NCOA2: variants seen among roughly 807,000 people sequenced by gnomAD.
NCOA2 encodes class E basic helix-loop-helix protein 75.
In NCOA2, 21 loss-of-function variants were observed where a neutral mutation model predicts 145.1. That is an observed-to-expected ratio of 0.14 (90% confidence interval 0.10 to 0.21). The LOEUF (loss-of-function observed/expected upper bound fraction) is 0.21. Among genes scored for constraint, NCOA2 ranks in the 10% least tolerant of loss-of-function variants. The pLI is 1.00. For missense variants in NCOA2, 1,472 were observed against 1,837.6 expected (o/e 0.80, Z 3.64); for synonymous variants, 619 against 637.5 (o/e 0.97, Z 0.44).
chr8:70,170,031 T>C (rs1232755020), intron 6 of NCOA2, among the ~76,000 whole-genome samples, 171 bp downstream of exon 6: 1 of 152,112 alleles, frequency 6.6e-6, no homozygotes, highest in African/African-American at 2.4e-5. Flanking sequence ...CCCTTTTCCA[T>C]GACTTTTAAG....
chr8:70,450,739 C>G, the NCOA2 span, among the ~76,000 whole-genome samples: 2 of 151,336 alleles, frequency 1.3e-5, no homozygotes, highest in Non-Finnish European at 3.0e-5. Flanking sequence ...GCTACCACTC[C>G]TGGGTACTTT....
In NCOA2 at chr8:70,138,347, G is replaced by T; in HGVS notation, c.3029-15C>A. ...TTCAGATGGCCCTAGAAAGGGAGAA[G>T]AAAAAAATCTTACATCTTTAATCAA... On this transcript the variant is annotated splice_polypyrimidine_tract_variant and intron_variant, in intron 14 of 22. Coordinates refer to ENST00000452400, the MANE Select transcript of NCOA2 (RefSeq NM_006540.4). 6.3e-7 allele frequency: 1 copy of T among 1,577,322 alleles called. No homozygotes were observed. Among genetic ancestry groups the T allele is most frequent in the Non-Finnish European group, 8.6e-7 (1 of 1,165,558 alleles).
the NCOA2 span, among the ~76,000 whole-genome samples, chr8:70,441,414 G>GA: frequency 1.7e-5 from 2 of 117,504 alleles, no homozygotes; most frequent in African/African-American, 6.3e-5. Flanking sequence ...AAGAGAGAAA[G>GA]AAAACAAAGA....
chr8:70,173,768 C>G (rs186784272), intron 5 of NCOA2, among the ~76,000 whole-genome samples: 1 of 151,796 alleles, frequency 6.6e-6, no homozygotes, highest in Non-Finnish European at 1.5e-5. Flanking sequence ...ATTGTGTGCC[C>G]CCCCTCCGCC....
At position 70,156,320 on chromosome 8, in the gene NCOA2, G is replaced by A. The variant is rs1195689394; in HGVS notation, c.2045C>T (p.Ser682Leu). The A allele has an allele frequency of 3.7e-6, 6 of 1,613,764 alleles. No individual in the cohort carries two copies. Among genetic ancestry groups the A allele is most frequent in the South Asian group, 1.1e-5 (1 of 91,072 alleles). Residue 682 changes from serine (S) to leucine (L), a missense_variant, in exon 11 of 23, where the codon TCG (serine) becomes TTG (leucine). Ser to Leu is a moderately radical substitution (Grantham distance 145, BLOSUM62 -2). Transcript: ENST00000452400. ...CAAAATTTTATGCTTCTCCTTGAGCGAGGTTCCATGTGTAGACCCAGAACC... is the reference window on the plus strand; with the variant it reads ...CAAAATTTTATGCTTCTCCTTGAGCAAGGTTCCATGTGTAGACCCAGAACC... ...LPGSGSTHGT[S>L]LKEKHKILHR...
chr8:70,448,904 G>A, the NCOA2 span, among the ~76,000 whole-genome samples: 4 of 151,464 alleles, frequency 2.6e-5, no homozygotes, highest in African/African-American at 9.7e-5. Flanking sequence ...TCCTGGACTC[G>A]AGAGACCCTC....
intron 1 of NCOA2, among the ~76,000 whole-genome samples, chr8:70,319,086 A>C (rs1805843196): frequency 6.6e-6 from 1 of 152,190 alleles, no homozygotes; most frequent in Admixed American, 6.5e-5. Context: ...TTCCAAGTAC[A>C]AATTTAGGGT....
rs570562230 is a variant in NCOA2 at position 70,173,841 on chromosome 8, A to C, written c.363+915T>G. 3.3e-3 allele frequency among the ~76,000 whole-genome samples: 509 copies of C among 152,136 alleles called. 1 individual carries two copies. The highest frequency in any genetic ancestry group is 5.9e-3 in the Non-Finnish European group (399 of 67,994). On this transcript the variant is annotated intron_variant, in intron 5 of 22. Coordinates refer to ENST00000452400, the MANE Select transcript of NCOA2 (RefSeq NM_006540.4). The stretch of plus-strand genomic sequence containing the variant: ...ATTTTCTAAAAATAAAAATCCCTTT[A>C]AGCATCAACTGAAAAAAAAGAGATA...
chr8:70,281,979 T>C (rs1253789784), intron 2 of NCOA2, among the ~76,000 whole-genome samples: 1 of 152,232 alleles, frequency 6.6e-6, no homozygotes, highest in African/African-American at 2.4e-5. Context: ...TATAATTTTA[T>C]CTTTCTCTAC....
the NCOA2 span, among the ~76,000 whole-genome samples, chr8:70,440,633 A>G: frequency 6.6e-6 from 1 of 151,738 alleles, no homozygotes; most frequent in Non-Finnish European, 1.5e-5. Flanking sequence ...GAGAGAAAGA[A>G]AGAAAGAAGA....
chr8:70,180,444 C>T (rs1585984475), intron 4 of NCOA2, among the ~76,000 whole-genome samples: 1 of 152,100 alleles, frequency 6.6e-6, no homozygotes, highest in African/African-American at 2.4e-5. Context: ...GAACAAAACC[C>T]CATCTCTTCA....
intron 2 of NCOA2, among the ~76,000 whole-genome samples, chr8:70,278,716 C>T (rs142475584): frequency 3.3e-5 from 5 of 152,130 alleles, no homozygotes; most frequent in African/African-American, 1.2e-4. Context: ...CCTGTGATCC[C>T]AGCATTTTGG....
intron 1 of NCOA2, among the ~76,000 whole-genome samples, chr8:70,321,793 C>CTTTTTTTTGTTTTTT: frequency 1.4e-5 from 1 of 73,560 alleles, no homozygotes; most frequent in South Asian, 6.5e-4. Flanking sequence ...CAGAATATAC[C>CTTTTTTTTGTTTTTT]TTTTTTTTTT....
chr8:70,310,279 G>A (rs1828214290), intron 1 of NCOA2, among the ~76,000 whole-genome samples: 1 of 149,846 alleles, frequency 6.7e-6, no homozygotes, highest in South Asian at 2.1e-4. Context: ...AGGAGGCAGA[G>A]GTTGCAGTGA....
chr8:70,290,757 C>G (rs1187092878), intron 2 of NCOA2, among the ~76,000 whole-genome samples: 1 of 151,476 alleles, frequency 6.6e-6, no homozygotes, highest in Non-Finnish European at 1.5e-5. Context: ...TAATTTAGAC[C>G]CTTGTATCTA....
chr8:70,441,138 A>C, the NCOA2 span, among the ~76,000 whole-genome samples: 2 of 150,084 alleles, frequency 1.3e-5, no homozygotes, highest in African/African-American at 4.9e-5. Flanking sequence ...GAAAGAAAGA[A>C]AGAAAAAAGA....
At chr8:70,276,889 G>C (rs1001214234) in intron 2 of NCOA2, among the ~76,000 whole-genome samples, 4 of 152,084 alleles carry the variant, frequency 2.6e-5, no homozygotes, top group African/African-American at 9.7e-5. Context: ...TAAATTTTCT[G>C]ATATTTTCAT....
intron 2 of NCOA2, among the ~76,000 whole-genome samples, chr8:70,246,796 A>G (rs1018177606): frequency 1.3e-5 from 2 of 152,156 alleles, no homozygotes; most frequent in Admixed American, 1.3e-4. Flanking sequence ...ACCTCATATA[A>G]GTGGAATCAT....
chr8:70,405,866 C>G (rs983759162), upstream of NCOA2, among the ~76,000 whole-genome samples: 5 of 152,070 alleles, frequency 3.3e-5, no homozygotes, highest in Admixed American at 1.3e-4. Context: ...CGTCTTACGA[C>G]GGCTGAAGAC....
Sources: gnomAD v4.1 joint callset for allele counts (sites outside exome capture counted in the v4.1 genomes callset) on GRCh38, gnomAD v4.1.1 for gene constraint, MANE v1.5 for transcripts, NCBI Gene and HGNC (gene_info 2026-07-23, HGNC 2026-07-21) for gene names.